The following DDX31 variants were observed in gnomAD, a reference collection of about 807,000 sequenced individuals.
DDX31 encodes DEAD-box helicase 31.
Under a neutral mutation model 91.3 loss-of-function variants are expected in DDX31, and 70 were observed. The ratio of observed to expected loss-of-function variants is 0.77; its 90% CI spans 0.63 to 0.94. The LOEUF (loss-of-function observed/expected upper bound fraction) is 0.94, where lower values mean the gene tolerates loss of function less well. DDX31 is among the 40% of genes least tolerant of loss of function. DDX31 has a pLI of 0.00. For synonymous variants in DDX31, 362 were observed against 350.6 expected (o/e 1.03, Z -0.36); for missense variants, 902 against 925.0 (o/e 0.98, Z 0.32).
intron 18 of DDX31, among the ~76,000 whole-genome samples, chr9:132,614,500 T>C (rs182113222): frequency 6.6e-6 from 1 of 151,896 alleles, no homozygotes; most frequent in East Asian, 1.9e-4. Context: ...CTCACTCTGG[T>C]CTCAAAAAAG....
chr9:132,617,229 A>G (rs984016020), intron 18 of DDX31, among the ~76,000 whole-genome samples: 1 of 151,982 alleles, frequency 6.6e-6, no homozygotes, highest in African/African-American at 2.4e-5. Context: ...ATCCCACTTC[A>G]GGTTTTTGCT....
At chr9:132,600,668 G>A (rs1564273266) in intron 19 of DDX31, among the ~76,000 whole-genome samples, 1 of 152,230 alleles carries the variant, frequency 6.6e-6, no homozygotes, top group Non-Finnish European at 1.5e-5. Flanking sequence ...CCCCAGAAAT[G>A]GATGGGAACT....
At chr9:132,610,129 TGGGAACCCAGTTCCC>T (rs1243424952) in intron 19 of DDX31, among the ~76,000 whole-genome samples, 3 of 152,154 alleles carry the variant, frequency 2.0e-5, no homozygotes, top group African/African-American at 7.2e-5. Flanking sequence ...AGACAGGATC[TGGGAACCCAGTTCCC>T]AGGCCCCGCA....
intron 19 of DDX31, among the ~76,000 whole-genome samples, chr9:132,600,660 C>A (rs1225532853): frequency 6.6e-6 from 1 of 152,170 alleles, no homozygotes; most frequent in Non-Finnish European, 1.5e-5. Context: ...CACCAGAGCC[C>A]CAGAAATGGA....
intron 18 of DDX31, 33 bp downstream of exon 18, chr9:132,618,297 T>C (rs748756815): frequency 1.1e-5 from 18 of 1,582,838 alleles, no homozygotes; most frequent in Non-Finnish European, 1.5e-5. Flanking sequence ...TGCTGGGCTA[T>C]CCACTGCGCA....
Position 132,638,506 on chromosome 9 carries a change from G to A in DDX31, c.1440+3498C>T. On this transcript the variant is annotated intron_variant, in intron 14 of 19. Transcript: ENST00000372159. Reference sequence around the variant, plus strand: ...TCATCCCTACTTCCTACTTAACTTGGCTTTTTCTTAGATCTAGTTTTCCAG... The same window carrying A: ...TCATCCCTACTTCCTACTTAACTTGACTTTTTCTTAGATCTAGTTTTCCAG... 3 of 1,203,092 alleles carry A rather than the reference G, an allele frequency of 2.5e-6. No homozygotes were observed. The South Asian group carries it at 4.2e-5, about 17-fold the overall frequency. The allele number at this position is 1,203,092 out of a possible 1,614,324, so 74.5% of individuals were successfully genotyped here. A position where few individuals can be genotyped will look rare whatever the true frequency, so the allele number is the denominator to read the frequency against.
At chr9:132,609,901 T>G (rs1206216724) in intron 19 of DDX31, among the ~76,000 whole-genome samples, 1 of 152,052 alleles carries the variant, frequency 6.6e-6, no homozygotes, top group African/African-American at 2.4e-5. Context: ...ATTATAAGAG[T>G]GAGTCACCGC....
In DDX31 at chr9:132,612,223, A is replaced by G; in HGVS notation, c.1858T>C (p.Tyr620His). ...LQSFIQAYAT[Y>H]PRELKHIFHV... ...AAGATGTGCTTCAGCTCCCTGGGGT[A>G]GGTGGCGTAGGCTTGGATGAAGGAC... Residue 620 changes from tyrosine (Y) to histidine (H), a missense_variant, in exon 19 of 20, where the codon TAC becomes CAC. Tyr to His is a moderately conservative substitution (Grantham distance 83). Transcript: ENST00000372159. The G allele has an allele frequency of 6.2e-7, 1 of 1,614,106 alleles. No individual in the cohort carries two copies. Among genetic ancestry groups the G allele is most frequent in the Non-Finnish European group, 8.5e-7 (1 of 1,179,938 alleles).
chr9:132,648,796 A>C (rs1310087480), intron 9 of DDX31, among the ~76,000 whole-genome samples: 1 of 152,228 alleles, frequency 6.6e-6, no homozygotes, highest in Non-Finnish European at 1.5e-5. Context: ...TTTGAAAGGG[A>C]TCATAACTAC....
chr9:132,653,409 A>C (rs938751268), intron 6 of DDX31, among the ~76,000 whole-genome samples: 1 of 145,930 alleles, frequency 6.9e-6, no homozygotes, highest in African/African-American at 2.5e-5. Flanking sequence ...CAGGAGAATC[A>C]CTTGAACCCA....
intron 9 of DDX31, among the ~76,000 whole-genome samples, chr9:132,649,025 A>G (rs1388052042): frequency 6.6e-6 from 1 of 152,186 alleles, no homozygotes; most frequent in African/African-American, 2.4e-5. Context: ...CATGGGTTAT[A>G]TACAATAAAT....
intron 14 of DDX31, chr9:132,638,212 G>C: frequency 6.6e-7 from 1 of 1,519,214 alleles, no homozygotes; most frequent in Non-Finnish European, 8.8e-7. Flanking sequence ...ACAGCCACCG[G>C]AGACCAACAG....
intron 19 of DDX31, among the ~76,000 whole-genome samples, chr9:132,606,223 C>T (rs1233697970): frequency 6.6e-6 from 1 of 152,160 alleles, no homozygotes; most frequent in Non-Finnish European, 1.5e-5. Flanking sequence ...TCAATGAAAT[C>T]GAGAAAGTTT....
chr9:132,612,187 A>T lies in DDX31; in HGVS notation c.1894T>A (p.Ser632Thr). The T allele has an allele frequency of 6.2e-7, 1 of 1,614,110 alleles. No homozygotes were observed. The highest frequency in any genetic ancestry group is 8.5e-7 in the Non-Finnish European group (1 of 1,180,022). Residue 632 changes from serine to threonine, a missense_variant, in exon 19 of 20, where the codon TCC becomes ACC. Transcript: ENST00000372159. Reference protein sequence around the residue: ...RELKHIFHVRSLHLGHVAKSF... With the variant: ...RELKHIFHVRTLHLGHVAKSF... ...TTCGCCACATGCCCAAGGTGGAGGG[A>T]TCGGACGTGGAAGATGTGCTTCAGC...
chr9:132,611,164 G>A (rs191283106), intron 19 of DDX31, among the ~76,000 whole-genome samples: 44 of 152,262 alleles, frequency 2.9e-4, no homozygotes, highest in African/African-American at 7.2e-4. Context: ...AGCCTGCGGC[G>A]TTTGTAAATT....
At chr9:132,654,935 G>C (rs1310300650) in intron 6 of DDX31, among the ~76,000 whole-genome samples, 2 of 122,434 alleles carry the variant, frequency 1.6e-5, no homozygotes, top group African/African-American at 6.3e-5. Flanking sequence ...AACAGAGCGA[G>C]ACTCTGTCTC....
chr9:132,661,550 C>T (rs1834949127), intron 3 of DDX31, among the ~76,000 whole-genome samples: 1 of 152,028 alleles, frequency 6.6e-6, no homozygotes, highest in African/African-American at 2.4e-5. Context: ...ACAGGACAGT[C>T]CCCAAAACTA....
intron 7 of DDX31, 150 bp from the exon 8 acceptor site, chr9:132,651,266 G>A (rs1834168752): frequency 1.6e-6 from 1 of 642,014 alleles, no homozygotes; most frequent in Admixed American, 3.1e-5. Context: ...AATATACCTT[G>A]TTCTTAGACT....
intron 19 of DDX31, among the ~76,000 whole-genome samples, chr9:132,609,326 C>G (rs1238073643): frequency 6.6e-6 from 1 of 152,180 alleles, no homozygotes; most frequent in Admixed American, 6.5e-5. Context: ...AAATCCCCTG[C>G]TCACAGGGGT....
Sources: gnomAD v4.1 joint callset for allele counts (sites outside exome capture counted in the v4.1 genomes callset) on GRCh38, gnomAD v4.1.1 for gene constraint, MANE v1.5 for transcripts, NCBI Gene and HGNC (gene_info 2026-07-23, HGNC 2026-07-21) for gene names.